Variants in AMBRA1 observed in about 807,000 individuals in gnomAD.
AMBRA1 encodes the protein activating molecule in BECN1-regulated autophagy protein 1.
A neutral mutation model predicts 125.4 loss-of-function variants in AMBRA1; 47 were observed. That is an observed-to-expected ratio of 0.37 (90% confidence interval 0.30 to 0.48). AMBRA1 has a LOEUF of 0.48. AMBRA1 is among the 20% of genes least tolerant of loss of function. The pLI is 0.99. For missense variants in AMBRA1, 1,331 were observed against 1,693.4 expected, an observed-to-expected ratio of 0.79 and a Z score of 3.76; for synonymous variants, 626 against 655.5, an observed-to-expected ratio of 0.95 and a Z score of 0.69.
rs748837618 is a variant in AMBRA1, at chr11:46,543,265, G to C, written c.752C>G (p.Ser251Cys). 1.4e-5 allele frequency: 22 copies of C among 1,614,058 alleles called. No individual in the cohort carries two copies. Among genetic ancestry groups the C allele is most frequent in the Non-Finnish European group, 1.7e-5 (20 of 1,180,006 alleles). ...TTGCTCTCCCACCTGGATGCCAGAA[G>C]AGCGGGAGGACAGCATGTGCAGGAA... ...HNFLHMLSSRSSGIQVGEQST... is the reference protein window; with the variant it reads ...HNFLHMLSSRCSGIQVGEQST... Residue 251 changes from serine to cysteine, a missense_variant, in exon 7 of 18, where the codon TCT becomes TGT. Transcript: ENST00000683756.
intron 14 of AMBRA1, among the ~76,000 whole-genome samples, chr11:46,423,385 T>G (rs1946941993): frequency 6.6e-6 from 1 of 152,052 alleles, no homozygotes; most frequent in Non-Finnish European, 1.5e-5. Flanking sequence ...TTATAATTTT[T>G]ATTATTTTAT....
chr11:46,462,952 C>T (rs1330171452), intron 11 of AMBRA1, among the ~76,000 whole-genome samples: 3 of 152,120 alleles, frequency 2.0e-5, no homozygotes, highest in Admixed American at 2.0e-4. Flanking sequence ...CGGGGTTTCA[C>T]CATATTGGCC....
At chr11:46,549,786 G>C (rs1026703200) in intron 1 of AMBRA1, among the ~76,000 whole-genome samples, 3 of 151,020 alleles carry the variant, frequency 2.0e-5, no homozygotes, top group African/African-American at 7.3e-5. Flanking sequence ...TTTTGTTTAT[G>C]TTTTCATTTA....
chr11:46,450,279 G>A (rs942400806), intron 11 of AMBRA1, among the ~76,000 whole-genome samples: 3 of 152,116 alleles, frequency 2.0e-5, no homozygotes, highest in Non-Finnish European at 2.9e-5. Flanking sequence ...GGAACCTTAA[G>A]TGCATGTTAC....
At position 46,458,842 on chromosome 11, in the gene AMBRA1, T is replaced by C. The variant is rs373600164; in HGVS notation, c.2522-15244A>G. On this transcript the variant is annotated intron_variant, in intron 11 of 17. Transcript: ENST00000683756. Reference sequence around the variant, plus strand: ...ATGAAATACACAAGGAATGTCACCATTGGCCTTAGAAACTGCTCCTTCTGC... The same window carrying C: ...ATGAAATACACAAGGAATGTCACCACTGGCCTTAGAAACTGCTCCTTCTGC... 7.9e-5 allele frequency among the ~76,000 whole-genome samples: 12 copies of C among 152,312 alleles called. No homozygotes were observed. In the South Asian group the frequency reaches 1.0e-3, roughly 13 times the overall value.
Position 46,434,055 on chromosome 11 carries a change from C to T in AMBRA1, c.2822-427G>A, listed in dbSNP as rs1030282691. Among the ~76,000 whole-genome samples the T allele has an allele frequency of 1.3e-4, 17 of 131,144 alleles. No individual in the cohort carries two copies. In the Admixed American group the frequency reaches 1.5e-3, roughly 11 times the overall value. 86.0% of individuals were successfully genotyped at this position (131,144 alleles called of 152,430 possible). On this transcript the variant is annotated intron_variant, in intron 13 of 17. Coordinates refer to ENST00000683756, the MANE Select transcript of AMBRA1 (RefSeq NM_001387011.1). ...GCTTGAACCCGGGAGGTAGAGGTTGCGGTAAGCTGAGATCACGCCATTACA... is the reference window on the plus strand; with the variant it reads ...GCTTGAACCCGGGAGGTAGAGGTTGTGGTAAGCTGAGATCACGCCATTACA...
intron 9 of AMBRA1, chr11:46,495,004 G>C (rs1565217748): frequency 6.6e-6 from 1 of 152,196 alleles, no homozygotes; most frequent in Non-Finnish European, 1.5e-5. Context: ...AGACCAGAGA[G>C]GTAAATACCA....
chr11:46,474,413 G>A (rs1590899048), intron 11 of AMBRA1, among the ~76,000 whole-genome samples: 1 of 152,066 alleles, frequency 6.6e-6, no homozygotes, highest in Admixed American at 6.6e-5. Context: ...TTTTGAGACA[G>A]AGTCTTGCTC....
intron 9 of AMBRA1, among the ~76,000 whole-genome samples, chr11:46,497,477 A>T (rs1950678886): frequency 6.6e-6 from 1 of 152,226 alleles, no homozygotes; most frequent in African/African-American, 2.4e-5. Context: ...TACAAGGCAG[A>T]GCAGATTTCA....
intron 15 of AMBRA1, among the ~76,000 whole-genome samples, chr11:46,416,582 C>T (rs897061706): frequency 2.0e-5 from 3 of 152,184 alleles, no homozygotes; most frequent in African/African-American, 7.2e-5. Context: ...CACTTCCCTA[C>T]CAGGCCACAT....
chr11:46,477,524 T>A (rs1949867415), intron 11 of AMBRA1, among the ~76,000 whole-genome samples: 1 of 151,434 alleles, frequency 6.6e-6, no homozygotes, highest in Non-Finnish European at 1.5e-5. Context: ...AAACTTTTTG[T>A]AGAGATGAGC....
chr11:46,588,150 TG>T (rs1418641073), intron 1 of AMBRA1, among the ~76,000 whole-genome samples: 1 of 152,164 alleles, frequency 6.6e-6, no homozygotes, highest in Non-Finnish European at 1.5e-5. Context: ...CTGGCCAACA[TG>T]GTGAAACCTG....
intron 7 of AMBRA1, among the ~76,000 whole-genome samples, chr11:46,522,003 T>C (rs1449019091): frequency 6.6e-6 from 1 of 152,182 alleles, no homozygotes; most frequent in Non-Finnish European, 1.5e-5. Context: ...AAAACATTAA[T>C]GTATTCCTCA....
chr11:46,589,824 G>A (rs370705896), intron 1 of AMBRA1, among the ~76,000 whole-genome samples: 30 of 151,450 alleles, frequency 2.0e-4, no homozygotes, highest in African/African-American at 5.8e-4. Flanking sequence ...GGGTTTCACC[G>A]TGTTAGCCAG....
In AMBRA1 at chr11:46,426,176, A is replaced by G. The variant is rs556798332; in HGVS notation, c.2976+7298T>C. On this transcript the variant is annotated intron_variant, in intron 14 of 17. Coordinates refer to ENST00000683756, the MANE Select transcript of AMBRA1 (RefSeq NM_001387011.1). ...TGATTCAATTAGGGCGTACTGAGTAATGGGCTGTTACAGTGATAGTGGTGG... is the reference window on the plus strand; with the variant it reads ...TGATTCAATTAGGGCGTACTGAGTAGTGGGCTGTTACAGTGATAGTGGTGG... 5.9e-5 allele frequency among the ~76,000 whole-genome samples: 9 copies of G among 152,250 alleles called. No individual in the cohort carries two copies. The South Asian group carries it at 1.9e-3, about 32-fold the overall frequency.
intron 11 of AMBRA1, among the ~76,000 whole-genome samples, chr11:46,460,567 C>T (rs1370243026): frequency 6.6e-6 from 1 of 152,168 alleles, no homozygotes; most frequent in Non-Finnish European, 1.5e-5. Flanking sequence ...TCGTGATCCG[C>T]CCACCTCAGC....
chr11:46,498,670 T>C (rs1415077986), intron 9 of AMBRA1, among the ~76,000 whole-genome samples: 1 of 152,148 alleles, frequency 6.6e-6, no homozygotes, highest in Non-Finnish European at 1.5e-5. Flanking sequence ...AAAATGCACC[T>C]ACAGACTGCT....
chr11:46,556,690 T>C (rs1219234942), intron 1 of AMBRA1, among the ~76,000 whole-genome samples: 1 of 152,232 alleles, frequency 6.6e-6, no homozygotes, highest in African/African-American at 2.4e-5. Flanking sequence ...AATAGTTACT[T>C]AACCTGACTG....
At chr11:46,495,143 T>C (rs1474541462) in intron 9 of AMBRA1, 1 of 152,222 alleles carries the variant, frequency 6.6e-6, no homozygotes, top group Non-Finnish European at 1.5e-5. Flanking sequence ...TGTTTTAGTT[T>C]CCAGTACATC....
Sources: gnomAD v4.1 joint callset for allele counts (sites outside exome capture counted in the v4.1 genomes callset) on GRCh38, gnomAD v4.1.1 for gene constraint, MANE v1.5 for transcripts, NCBI Gene and HGNC (gene_info 2026-07-23, HGNC 2026-07-21) for gene names.